CSMD3: variants seen among roughly 807,000 people sequenced by gnomAD.
The protein encoded by CSMD3 is CUB and sushi domain-containing protein 3.
A neutral mutation model predicts 435.2 loss-of-function variants in CSMD3; 177 were observed. That is an observed-to-expected ratio of 0.41 (90% CI 0.36 to 0.46). CSMD3 has a LOEUF of 0.46. CSMD3 is among the 20% of genes least tolerant of loss of function. The pLI is 0.34. For synonymous variants in CSMD3, 1,656 were observed against 1,520.5 expected (o/e 1.09, Z -2.07); for missense variants, 4,265 against 4,504.6 (o/e 0.95, Z 1.52).
chr8:112,242,082 T>G (rs989864633), intron 65 of CSMD3, among the ~76,000 whole-genome samples: 1 of 152,144 alleles, frequency 6.6e-6, no homozygotes, highest in Non-Finnish European at 1.5e-5. Flanking sequence ...TTTAGAGGCA[T>G]AAGCCAAAGT....
At chr8:112,788,171 A>G (rs2078599642) in intron 13 of CSMD3, among the ~76,000 whole-genome samples, 2 of 152,160 alleles carry the variant, frequency 1.3e-5, no homozygotes, top group Admixed American at 1.3e-4. Flanking sequence ...TTTAATAAAT[A>G]CTGACCCTTG....
In CSMD3 at chr8:112,682,427, C is replaced by A; in HGVS notation, c.2677+15G>T. The A allele has an allele frequency of 6.3e-7, 1 of 1,597,502 alleles. No homozygotes were observed. The highest frequency in any genetic ancestry group is 8.6e-7 in the Non-Finnish European group (1 of 1,166,814). On this transcript the variant is annotated intron_variant, in intron 16 of 70. Coordinates refer to ENST00000297405, the MANE Select transcript of CSMD3 (RefSeq NM_198123.2). ...TGATGATGAGGTTCTATTTCTCACT[C>A]ACTACTACACTTACCTCCACATTTT...
At chr8:113,405,473 A>T (rs1412090618) in intron 1 of CSMD3, among the ~76,000 whole-genome samples, 1 of 151,686 alleles carries the variant, frequency 6.6e-6, no homozygotes, top group Non-Finnish European at 1.5e-5. Flanking sequence ...CATTGTAATA[A>T]GTGAAATAAG....
At chr8:113,216,941 G>A (rs367915872) in intron 3 of CSMD3, among the ~76,000 whole-genome samples, 10 of 151,878 alleles carry the variant, frequency 6.6e-5, no homozygotes, top group Admixed American at 1.3e-4. Flanking sequence ...CAGGGAAAGC[G>A]TACACAAAGC....
At chr8:113,225,315 TTC>T (rs1450412503) in intron 3 of CSMD3, among the ~76,000 whole-genome samples, 1 of 151,482 alleles carries the variant, frequency 6.6e-6, no homozygotes, top group Non-Finnish European at 1.5e-5. Context: ...TCAGAAAAAG[TTC>T]TCTGTTCTTC....
At chr8:112,686,673 A>C (rs1420343870) in intron 14 of CSMD3, among the ~76,000 whole-genome samples, 1 of 151,864 alleles carries the variant, frequency 6.6e-6, no homozygotes, top group Non-Finnish European at 1.5e-5. Flanking sequence ...TTTAGTAGAG[A>C]TGGGGTTTCG....
intron 5 of CSMD3, among the ~76,000 whole-genome samples, chr8:113,028,133 C>T (rs2086946481): frequency 6.6e-6 from 1 of 152,098 alleles, no homozygotes. Flanking sequence ...CTCCATGTCA[C>T]ATTTTAATAA....
chr8:113,025,280 T>C (rs1206072872), intron 5 of CSMD3, among the ~76,000 whole-genome samples: 1 of 152,168 alleles, frequency 6.6e-6, no homozygotes, highest in Non-Finnish European at 1.5e-5. Context: ...CATTTTCATG[T>C]ATATGCGTCT....
intron 30 of CSMD3, among the ~76,000 whole-genome samples, chr8:112,501,218 G>T (rs143691732): frequency 0.011 from 1,735 of 151,858 alleles, 35 homozygotes; most frequent in South Asian, 0.068. Context: ...AGACAACATA[G>T]ATATATTTTT....
chr8:113,289,667 T>A (rs1264026544), intron 2 of CSMD3, among the ~76,000 whole-genome samples: 1 of 151,752 alleles, frequency 6.6e-6, no homozygotes, highest in Non-Finnish European at 1.5e-5. Flanking sequence ...CTGCCACCTT[T>A]TTTTGGTGCA....
At chr8:113,069,583 A>G (rs1207441969) in intron 5 of CSMD3, among the ~76,000 whole-genome samples, 3 of 152,122 alleles carry the variant, frequency 2.0e-5, no homozygotes, top group African/African-American at 4.8e-5. Flanking sequence ...TTGATCTTAC[A>G]TAGCAAGATG....
At chr8:113,286,211 C>T (rs1007460420) in intron 2 of CSMD3, among the ~76,000 whole-genome samples, 3 of 152,090 alleles carry the variant, frequency 2.0e-5, no homozygotes, top group Non-Finnish European at 4.4e-5. Flanking sequence ...GATCCTGTCT[C>T]TTCTCATGTT....
At chr8:112,782,774 C>T (rs1395792717) in intron 13 of CSMD3, among the ~76,000 whole-genome samples, 3 of 151,324 alleles carry the variant, frequency 2.0e-5, no homozygotes, top group Non-Finnish European at 2.9e-5. Context: ...CCTTACAGGC[C>T]GGGAAAGAGT....
chr8:113,191,532 A>G (rs1186124673), intron 3 of CSMD3, among the ~76,000 whole-genome samples: 1 of 151,392 alleles, frequency 6.6e-6, no homozygotes, highest in Admixed American at 6.6e-5. Flanking sequence ...GCTTAGGATA[A>G]TGGCCTCCAG....
chr8:113,021,681 A>C (rs890296594), intron 5 of CSMD3, among the ~76,000 whole-genome samples: 1 of 152,196 alleles, frequency 6.6e-6, no homozygotes, highest in Non-Finnish European at 1.5e-5. Context: ...AGGGACATGA[A>C]AGGTAATTTC....
chr8:112,855,809 C>CTTTTTTTTTTTTTTTTTTTTTT (rs34885472), intron 11 of CSMD3, among the ~76,000 whole-genome samples: 4 of 135,572 alleles, frequency 3.0e-5, no homozygotes, highest in Non-Finnish European at 4.7e-5. Flanking sequence ...CTTAGCGAAG[C>CTTTTTTTTTTTTTTTTTTTTTT]TTTTTTTTTT....
rs1177460297 is a variant in CSMD3 at position 112,573,362 on chromosome 8, C to G, written c.4042+139G>C. 14 of 813,560 alleles carry G rather than the reference C, an allele frequency of 1.7e-5. 1 individual carries two copies. In the Admixed American group the frequency reaches 2.9e-4, roughly 17 times the overall value. The allele number at this position is 813,560 out of a possible 1,614,324, so 50.4% of individuals were successfully genotyped here. On this transcript the variant is annotated intron_variant, in intron 24 of 70. Coordinates refer to ENST00000297405, the MANE Select transcript of CSMD3 (RefSeq NM_198123.2). Reference sequence around the variant, plus strand: ...TAACTTACCGGGCTGTTGTTAGGGTCAAATAAAATTATATATGTAGAAAGG... The same window carrying G: ...TAACTTACCGGGCTGTTGTTAGGGTGAAATAAAATTATATATGTAGAAAGG...
chr8:113,099,330 TCTTTGATCA>T (rs1056271252), intron 4 of CSMD3, among the ~76,000 whole-genome samples: 1 of 152,052 alleles, frequency 6.6e-6, no homozygotes, highest in African/African-American at 2.4e-5. Flanking sequence ...TGATGGGAAA[TCTTTGATCA>T]CTTTGTTTAT....
chr8:112,303,282 G>C (rs1176194019), intron 52 of CSMD3, among the ~76,000 whole-genome samples: 1 of 152,154 alleles, frequency 6.6e-6, no homozygotes, highest in Non-Finnish European at 1.5e-5. Flanking sequence ...CAGGCTGTGC[G>C]CAGTGGCTCA....
Sources: gnomAD v4.1 joint callset for allele counts (sites outside exome capture counted in the v4.1 genomes callset) on GRCh38, gnomAD v4.1.1 for gene constraint, MANE v1.5 for transcripts, NCBI Gene and HGNC (gene_info 2026-07-23, HGNC 2026-07-21) for gene names.